GRIN3A: variants seen among roughly 807,000 people sequenced by gnomAD.
The protein encoded by GRIN3A is glutamate receptor ionotropic, NMDA 3A.
A neutral mutation model predicts 92.4 loss-of-function variants in GRIN3A; 47 were observed. That is an observed-to-expected ratio of 0.51 (90% CI 0.40 to 0.65). GRIN3A has a LOEUF of 0.65. Ranked by LOEUF, GRIN3A falls within the 30% of genes least tolerant of loss-of-function variation. GRIN3A has a pLI of 0.00. For synonymous variants in GRIN3A, 527 were observed against 540.6 expected (o/e 0.97, Z 0.35); for missense variants, 1,324 against 1,393.1 (o/e 0.95, Z 0.79).
chr9:101,614,754 GA>G (rs34150024), intron 5 of GRIN3A, among the ~76,000 whole-genome samples: 18,895 of 150,534 alleles, frequency 0.13, 1,532 homozygotes, highest in Admixed American at 0.17. Context: ...CAAGTAGCTG[GA>G]ACCACAGGCA....
intron 6 of GRIN3A, chr9:101,591,841 T>C (rs923874675): frequency 7.2e-5 from 11 of 152,268 alleles, no homozygotes; most frequent in African/African-American, 2.7e-4. Context: ...TGAGTAGATT[T>C]ATTGAACAAT....
At chr9:101,712,506 A>G (rs1006181766) in intron 1 of GRIN3A, among the ~76,000 whole-genome samples, 3 of 152,194 alleles carry the variant, frequency 2.0e-5, no homozygotes, top group African/African-American at 7.2e-5. Flanking sequence ...GAAAGCCTGG[A>G]TGGAAATGAA....
intron 8 of GRIN3A, 138 bp from the exon 9 acceptor site, chr9:101,573,651 A>C: frequency 1.4e-6 from 1 of 722,618 alleles, no homozygotes; most frequent in Non-Finnish European, 2.4e-6. Context: ...CCATGGACAG[A>C]CTACCTGCTA....
At chr9:101,726,720 T>A (rs1175226912) in intron 1 of GRIN3A, among the ~76,000 whole-genome samples, 2 of 150,720 alleles carry the variant, frequency 1.3e-5, no homozygotes, top group Non-Finnish European at 3.0e-5. Flanking sequence ...TTTATGTTTT[T>A]AAAATTTATT....
chr9:101,651,279 G>A (rs1190804533), intron 3 of GRIN3A, among the ~76,000 whole-genome samples: 2 of 151,830 alleles, frequency 1.3e-5, no homozygotes, highest in Non-Finnish European at 2.9e-5. Flanking sequence ...TAATCCCTAT[G>A]AATAATACAG....
At chr9:101,719,433 A>C (rs1271839719) in intron 1 of GRIN3A, among the ~76,000 whole-genome samples, 3 of 151,472 alleles carry the variant, frequency 2.0e-5, no homozygotes, top group African/African-American at 7.3e-5. Flanking sequence ...AAAAAAAAAA[A>C]AGGTGGTAAA....
chr9:101,604,430 A>G (rs190321386), intron 6 of GRIN3A, among the ~76,000 whole-genome samples: 6 of 152,306 alleles, frequency 3.9e-5, no homozygotes, highest in Admixed American at 6.5e-5. Context: ...GGTTTTCAGA[A>G]CATACTACCT....
chr9:101,594,961 G>A (rs1828098628), intron 6 of GRIN3A: 4 of 1,577,976 alleles, frequency 2.5e-6, no homozygotes, highest in Non-Finnish European at 3.4e-6. Context: ...AAGGGTCGGA[G>A]AGGGGAGCAG....
chr9:101,696,213 A>G (rs922245359), intron 1 of GRIN3A, among the ~76,000 whole-genome samples: 2 of 152,222 alleles, frequency 1.3e-5, no homozygotes, highest in Admixed American at 6.5e-5. Context: ...TCAAACAACT[A>G]CTTCAGAGAG....
rs559596073 is a variant in GRIN3A, at chr9:101,711,860, G to A, written c.700-24660C>T. On this transcript the variant is annotated intron_variant, in intron 1 of 8. Coordinates refer to ENST00000361820, the MANE Select transcript of GRIN3A (RefSeq NM_133445.3). ...TTCAAAAAATCTTTAATGAGAGACAGTAGCTATTTTTCAATATTTGTAGAA... is the reference window on the plus strand; with the variant it reads ...TTCAAAAAATCTTTAATGAGAGACAATAGCTATTTTTCAATATTTGTAGAA... 2.0e-5 allele frequency among the ~76,000 whole-genome samples: 3 copies of A among 152,298 alleles called. No individual in the cohort carries two copies. In the East Asian group the frequency reaches 5.8e-4, roughly 29 times the overall value.
At chr9:101,674,030 G>A (rs2118957327) in intron 2 of GRIN3A, among the ~76,000 whole-genome samples, 1 of 152,144 alleles carries the variant, frequency 6.6e-6, no homozygotes, top group South Asian at 2.1e-4. Context: ...AGGAATTACA[G>A]TAAGCCAGGA....
chr9:101,666,407 C>T (rs1829237348), intron 3 of GRIN3A, among the ~76,000 whole-genome samples: 1 of 151,926 alleles, frequency 6.6e-6, no homozygotes, highest in South Asian at 2.1e-4. Flanking sequence ...AAACCAAATA[C>T]CACATGTTCT....
chr9:101,623,245 C>T, intron 5 of GRIN3A, 73 bp downstream of exon 5: 2 of 970,602 alleles, frequency 2.1e-6, no homozygotes, highest in South Asian at 1.3e-5. Flanking sequence ...CTGACTTTGG[C>T]ATTTGTGACT....
At chr9:101,682,986 A>G (rs898119653) in intron 2 of GRIN3A, among the ~76,000 whole-genome samples, 1 of 152,246 alleles carries the variant, frequency 6.6e-6, no homozygotes, top group Non-Finnish European at 1.5e-5. Flanking sequence ...CGTCTCAAAA[A>G]CAAAAACAAA....
chr9:101,596,817 G>A lies in GRIN3A; in HGVS notation c.2766+16559C>T, dbSNP rs370697187. Among the ~76,000 whole-genome samples, 301 of 152,346 alleles carry A rather than the reference G, an allele frequency of 2.0e-3. 1 individual carries two copies. The highest frequency in any genetic ancestry group is 7.0e-3 in the African/African-American group (290 of 41,580). On this transcript the variant is annotated intron_variant, in intron 6 of 8. Transcript: ENST00000361820. ...ATCTAAAGAAGAGCTGAATGATTCA[G>A]TCTTAGGAAGGGTGAGGATCCCACT...
At chr9:101,735,356 G>A (rs561934241) in intron 1 of GRIN3A, among the ~76,000 whole-genome samples, 8 of 151,806 alleles carry the variant, frequency 5.3e-5, no homozygotes, top group East Asian at 3.9e-4. Flanking sequence ...GCTTGACAGC[G>A]TATTTATTTT....
intron 1 of GRIN3A, among the ~76,000 whole-genome samples, chr9:101,720,696 G>A (rs1045279697): frequency 2.6e-5 from 4 of 152,116 alleles, no homozygotes; most frequent in South Asian, 2.1e-4. Flanking sequence ...GTATATATCC[G>A]TCTTTCCATA....
chr9:101,734,094 G>A lies in GRIN3A; in HGVS notation c.699+3187C>T, dbSNP rs183576606. On this transcript the variant is annotated intron_variant, in intron 1 of 8. Transcript: ENST00000361820. ...AGAACCAATATGAAGTTAAGGTGAG[G>A]TGTATATTTTTTTTAAAAAATGTGT... is the stretch of plus-strand genomic sequence containing the variant. 2.4e-3 allele frequency among the ~76,000 whole-genome samples: 365 copies of A among 152,218 alleles called. 1 individual carries two copies. The highest frequency in any genetic ancestry group is 8.0e-3 in the African/African-American group (333 of 41,544).
At chr9:101,579,986 C>G (rs1827868950) in intron 6 of GRIN3A, among the ~76,000 whole-genome samples, 1 of 152,106 alleles carries the variant, frequency 6.6e-6, no homozygotes, top group African/African-American at 2.4e-5. Flanking sequence ...CTCTGCTTCA[C>G]ATTTGGACAT....
Sources: allele counts gnomAD v4.1 joint callset (sites outside exome capture counted in the v4.1 genomes callset), GRCh38; gene constraint gnomAD v4.1.1; transcripts MANE v1.5; gene names NCBI Gene and HGNC (gene_info 2026-07-23, HGNC 2026-07-21).